The following LIN7A variants were observed in gnomAD, a reference collection of about 807,000 sequenced individuals.
LIN7A encodes lin-7 cell polarity scaffold A.
In LIN7A, 25 loss-of-function variants were observed where a neutral mutation model predicts 29.8. The ratio of observed to expected loss-of-function variants is 0.84; its 90% CI spans 0.61 to 1.17. The LOEUF is 1.17. LIN7A is among the 50% of genes most tolerant of loss of function. The pLI, the probability that LIN7A is intolerant of heterozygous loss-of-function variation, is 0.00. For missense variants in LIN7A, 239 were observed against 287.0 expected, an observed-to-expected ratio of 0.83 and a Z score of 1.21; for synonymous variants, 118 against 107.5, an observed-to-expected ratio of 1.10 and a Z score of -0.60.
At chr12:80,928,541 G>T (rs1877727405) in intron 1 of LIN7A, among the ~76,000 whole-genome samples, 1 of 152,116 alleles carries the variant, frequency 6.6e-6, no homozygotes, top group African/African-American at 2.4e-5. Context: ...TTTTGATGGG[G>T]TTGTTTGTTT....
At chr12:80,841,501 CA>C (rs970215190) in intron 4 of LIN7A, among the ~76,000 whole-genome samples, 15 of 152,034 alleles carry the variant, frequency 9.9e-5, no homozygotes, top group African/African-American at 3.4e-4. Context: ...CCTACAATCA[CA>C]TTATGTTTTG....
rs370465323 is a variant in LIN7A at position 80,854,485 on chromosome 12, C to CAAAAAAAAAAAAAAAAAAAAAA, written c.202-6164_202-6163insTTTTTTTTTTTTTTTTTTTTTT. Among the ~76,000 whole-genome samples, 6 of 37,112 alleles carry CAAAAAAAAAAAAAAAAAAAAAA rather than the reference C, an allele frequency of 1.6e-4. 3 individuals are homozygous for CAAAAAAAAAAAAAAAAAAAAAA. Among genetic ancestry groups the CAAAAAAAAAAAAAAAAAAAAAA allele is most frequent in the African/African-American group, 1.9e-4 (2 of 10,626 alleles). 24.3% of individuals were successfully genotyped at this position (37,112 alleles called of 152,430 possible). On this transcript the variant is annotated intron_variant, in intron 2 of 5. Coordinates refer to ENST00000552864, the MANE Select transcript of LIN7A (RefSeq NM_004664.4). ...TGAATCTGAAATGCATGTTGCTAAGCCAAAAAAAAAAAAAAAAAAAAAAGC... is the reference window on the plus strand; with the variant it reads ...TGAATCTGAAATGCATGTTGCTAAGCAAAAAAAAAAAAAAAAAAAAAACAAAAAAAAAAAAAAAAAAAAAAGC...
chr12:80,876,232 T>C (rs1225367607), intron 2 of LIN7A, among the ~76,000 whole-genome samples: 1 of 151,962 alleles, frequency 6.6e-6, no homozygotes, highest in Admixed American at 6.6e-5. Flanking sequence ...TTCCCTTGGC[T>C]CTCACAGATG....
intron 2 of LIN7A, among the ~76,000 whole-genome samples, chr12:80,881,507 T>G (rs1331813478): frequency 6.6e-6 from 1 of 152,148 alleles, no homozygotes; most frequent in Non-Finnish European, 1.5e-5. Flanking sequence ...TGTCCATGTT[T>G]AAAGGAAAAC....
At chr12:80,899,765 C>CTTTTTT (rs760389788) in intron 1 of LIN7A, among the ~76,000 whole-genome samples, 4,111 of 109,548 alleles carry the variant, frequency 0.038, 727 homozygotes, top group Middle Eastern at 0.062. Context: ...TTCTTTTTTT[C>CTTTTTT]TTTTCTTTTT....
chr12:80,889,410 T>C (rs1875510513), intron 1 of LIN7A, 41 bp from the exon 2 acceptor site: 3 of 1,225,510 alleles, frequency 2.4e-6, no homozygotes, highest in Non-Finnish European at 3.6e-6. Flanking sequence ...CTAGAATAAA[T>C]TGTATCTCAT....
intron 1 of LIN7A, among the ~76,000 whole-genome samples, chr12:80,923,887 G>A (rs1324723729): frequency 1.3e-5 from 2 of 152,066 alleles, no homozygotes; most frequent in African/African-American, 4.8e-5. Flanking sequence ...TACAAATAAT[G>A]TTTTGTATTT....
chr12:80,868,992 G>A (rs1013974423), intron 2 of LIN7A, among the ~76,000 whole-genome samples: 9 of 152,056 alleles, frequency 5.9e-5, no homozygotes, highest in African/African-American at 1.9e-4. Context: ...AGATGGATAC[G>A]AAGGCAATAT....
At chr12:80,892,926 C>G (rs761251109) in intron 1 of LIN7A, among the ~76,000 whole-genome samples, 1 of 152,050 alleles carries the variant, frequency 6.6e-6, no homozygotes, top group Admixed American at 6.6e-5. Context: ...GTTCTAAACA[C>G]GAATGTGTTT....
At chr12:80,923,927 AG>A (rs1336513417) in intron 1 of LIN7A, among the ~76,000 whole-genome samples, 4 of 152,196 alleles carry the variant, frequency 2.6e-5, no homozygotes, top group Non-Finnish European at 5.9e-5. Context: ...TTGAAATGAA[AG>A]TTTGTTGTGA....
intron 2 of LIN7A, among the ~76,000 whole-genome samples, chr12:80,862,080 G>A (rs1478533870): frequency 6.6e-6 from 1 of 152,152 alleles, no homozygotes; most frequent in Non-Finnish European, 1.5e-5. Flanking sequence ...AGAAATAGAT[G>A]ACTTGGTTAT....
At chr12:80,803,241 G>T (rs553679767) in intron 5 of LIN7A, among the ~76,000 whole-genome samples, 2 of 152,000 alleles carry the variant, frequency 1.3e-5, no homozygotes, top group Admixed American at 6.5e-5. Context: ...TTTCATTTTC[G>T]TCTAGTAGTT....
intron 4 of LIN7A, chr12:80,832,636 G>A (rs1872420009): frequency 4.4e-6 from 2 of 459,730 alleles, no homozygotes; most frequent in Non-Finnish European, 8.9e-6. Flanking sequence ...GATGGCTTAT[G>A]GTAGCTTCCG....
intron 2 of LIN7A, among the ~76,000 whole-genome samples, chr12:80,849,106 T>G (rs1873209630): frequency 6.6e-6 from 1 of 152,166 alleles, no homozygotes; most frequent in Admixed American, 6.6e-5. Context: ...AAGTAGTCTG[T>G]ACTAAAAAGG....
chr12:80,836,405 C>T (rs1401547408), intron 4 of LIN7A, among the ~76,000 whole-genome samples: 1 of 152,148 alleles, frequency 6.6e-6, no homozygotes, highest in Non-Finnish European at 1.5e-5. Flanking sequence ...ATCTGTAATC[C>T]CAGCACTTTG....
intron 1 of LIN7A, among the ~76,000 whole-genome samples, chr12:80,928,877 T>C (rs1208680315): frequency 2.7e-5 from 4 of 149,970 alleles, no homozygotes; most frequent in African/African-American, 7.6e-5. Context: ...TTGTATTGTA[T>C]TGAGTTTAAT....
intron 2 of LIN7A, among the ~76,000 whole-genome samples, 173 bp downstream of exon 2, chr12:80,889,078 T>G (rs1171143391): frequency 6.6e-6 from 1 of 152,146 alleles, no homozygotes; most frequent in African/African-American, 2.4e-5. Context: ...AAATCCTGGC[T>G]GGATCTAATT....
In LIN7A at chr12:80,797,250, A is replaced by G. The variant is rs537371573; in HGVS notation, c.*477T>C. The G allele has an allele frequency of 2.2e-4, 33 of 152,438 alleles. No individual in the cohort carries two copies. The highest frequency in any genetic ancestry group is 7.9e-4 in the African/African-American group (33 of 41,574). 9.4% of individuals were successfully genotyped at this position (152,438 alleles called of 1,614,324 possible). A position where few individuals can be genotyped will look rare whatever the true frequency, so the allele number is the denominator to read the frequency against. ...GCAATTAACTGGAATTCCAATTCAGACAACTCAGCACTATGGATTGTGGAG... is the reference window on the plus strand; with the variant it reads ...GCAATTAACTGGAATTCCAATTCAGGCAACTCAGCACTATGGATTGTGGAG... On this transcript the variant is annotated 3_prime_UTR_variant, in exon 6 of 6. Coordinates refer to ENST00000552864, the MANE Select transcript of LIN7A (RefSeq NM_004664.4).
At chr12:80,921,463 C>A (rs369267597) in intron 1 of LIN7A, among the ~76,000 whole-genome samples, 1 of 79,832 alleles carries the variant, frequency 1.3e-5, no homozygotes, top group Admixed American at 1.3e-4. Flanking sequence ...TTCTACCTGA[C>A]GAGGGTCTTC....
Sources: gnomAD v4.1 joint callset for allele counts (sites outside exome capture counted in the v4.1 genomes callset) on GRCh38, gnomAD v4.1.1 for gene constraint, MANE v1.5 for transcripts, NCBI Gene and HGNC (gene_info 2026-07-23, HGNC 2026-07-21) for gene names.